ASAP1: variants seen among roughly 807,000 people sequenced by gnomAD.
ASAP1 encodes the protein arf-GAP with SH3 domain, ANK repeat and PH domain-containing protein 1.
ASAP1 carries 43 observed loss-of-function variants against 145.2 expected under a neutral mutation model. The ratio of observed to expected loss-of-function variants is 0.30; its 90% confidence interval spans 0.23 to 0.38. ASAP1 has a LOEUF of 0.38. ASAP1 is among the 10% of genes least tolerant of loss of function. The pLI is 1.00. For missense variants in ASAP1, 1,018 were observed against 1,355.3 expected (o/e 0.75, Z 3.91); for synonymous variants, 546 against 515.5 (o/e 1.06, Z -0.80).
intron 28 of ASAP1, among the ~76,000 whole-genome samples, chr8:130,058,281 C>A (rs1203337516): frequency 6.6e-6 from 1 of 152,186 alleles, no homozygotes; most frequent in African/African-American, 2.4e-5. Context: ...CCTCTCCCCC[C>A]ATCATCAGGG....
At chr8:130,341,328 T>A (rs562238652) in intron 3 of ASAP1, among the ~76,000 whole-genome samples, 2 of 152,126 alleles carry the variant, frequency 1.3e-5, no homozygotes, top group Admixed American at 1.3e-4. Flanking sequence ...GCACCCACAG[T>A]GTCTAAGCGC....
At chr8:130,280,075 T>A (rs1258751389) in intron 3 of ASAP1, among the ~76,000 whole-genome samples, 2 of 152,134 alleles carry the variant, frequency 1.3e-5, no homozygotes, top group Admixed American at 6.5e-5. Flanking sequence ...TAGGCAGAGG[T>A]AGTGTTCTTG....
intron 24 of ASAP1, among the ~76,000 whole-genome samples, chr8:130,101,071 T>C (rs2097527931): frequency 6.6e-6 from 1 of 152,218 alleles, no homozygotes; most frequent in Non-Finnish European, 1.5e-5. Context: ...TGCACCCTTA[T>C]CAAAAATCAG....
At chr8:130,411,207 T>C (rs146197760) in intron 1 of ASAP1, among the ~76,000 whole-genome samples, 382 of 152,316 alleles carry the variant, frequency 2.5e-3, no homozygotes, top group African/African-American at 8.9e-3. Flanking sequence ...ACTATGATGA[T>C]GCCCACACAC....
chr8:130,389,701 T>C (rs1296800358), intron 2 of ASAP1, among the ~76,000 whole-genome samples: 1 of 152,166 alleles, frequency 6.6e-6, no homozygotes, highest in Non-Finnish European at 1.5e-5. Flanking sequence ...TTTCTTTTTA[T>C]TTATTTATTT....
At chr8:130,197,782 C>T (rs990387986) in intron 5 of ASAP1, among the ~76,000 whole-genome samples, 6 of 152,168 alleles carry the variant, frequency 3.9e-5, no homozygotes, top group Non-Finnish European at 1.5e-5. Flanking sequence ...CTATGAGAAA[C>T]GTCCAAGTCC....
At chr8:130,172,097 G>C (rs904524177) in intron 9 of ASAP1, among the ~76,000 whole-genome samples, 2 of 152,182 alleles carry the variant, frequency 1.3e-5, no homozygotes, top group Non-Finnish European at 2.9e-5. Context: ...GTTTGCTCAT[G>C]TGTAAATGGG....
chr8:130,190,426 T>A (rs1487570050), intron 5 of ASAP1, among the ~76,000 whole-genome samples: 1 of 152,222 alleles, frequency 6.6e-6, no homozygotes, highest in Non-Finnish European at 1.5e-5. Flanking sequence ...CCCCAATGTA[T>A]GTTCTTGGTG....
chr8:130,207,781 T>C (rs929303736), intron 5 of ASAP1, among the ~76,000 whole-genome samples: 1 of 152,214 alleles, frequency 6.6e-6, no homozygotes, highest in Non-Finnish European at 1.5e-5. Context: ...ATTCCCTAGA[T>C]ATATTCAATC....
At chr8:130,289,421 T>C (rs551065635) in intron 3 of ASAP1, among the ~76,000 whole-genome samples, 25 of 152,330 alleles carry the variant, frequency 1.6e-4, no homozygotes, top group African/African-American at 5.1e-4. Context: ...GAGAATATTC[T>C]TTAAAATTTA....
chr8:130,215,978 AG>A (rs1429423028), intron 4 of ASAP1, among the ~76,000 whole-genome samples: 9 of 42,900 alleles, frequency 2.1e-4, no homozygotes, highest in East Asian at 1.5e-3. Flanking sequence ...AAAAAGAAAA[AG>A]GAAAGGAAAG....
At chr8:130,106,662 G>C (rs2097537270) in intron 24 of ASAP1, among the ~76,000 whole-genome samples, 1 of 152,214 alleles carries the variant, frequency 6.6e-6, no homozygotes, top group Non-Finnish European at 1.5e-5. Flanking sequence ...TGTTGTTTAT[G>C]CATCTGACGA....
chr8:130,060,434 T>G, intron 28 of ASAP1, 145 bp downstream of exon 28: 2 of 1,167,300 alleles, frequency 1.7e-6, no homozygotes, highest in Non-Finnish European at 2.4e-6. Context: ...CAGGCTCTAA[T>G]CCACCATCAT....
chr8:130,434,168 T>C (rs957458130), intron 1 of ASAP1, among the ~76,000 whole-genome samples: 1 of 151,958 alleles, frequency 6.6e-6, no homozygotes, highest in African/African-American at 2.4e-5. Context: ...ATACAAAAAT[T>C]AACTGTGCCT....
At chr8:130,147,681 A>G (rs4733771) in intron 13 of ASAP1, among the ~76,000 whole-genome samples, 25,161 of 152,224 alleles carry the variant, frequency 0.17, 2,728 homozygotes, top group East Asian at 0.44. Flanking sequence ...GGCACATACA[A>G]TAAGATCCTG....
intron 13 of ASAP1, among the ~76,000 whole-genome samples, chr8:130,141,172 CA>C: frequency 6.6e-6 from 1 of 152,242 alleles, no homozygotes; most frequent in South Asian, 2.1e-4. Context: ...AAAAAGAAAA[CA>C]AAACAGGAGA....
chr8:130,392,962 A>G (rs555235013), intron 2 of ASAP1, among the ~76,000 whole-genome samples: 24 of 152,336 alleles, frequency 1.6e-4, no homozygotes, highest in Admixed American at 1.6e-3. Flanking sequence ...GAGGGGTCAA[A>G]TATCCAAACC....
intron 5 of ASAP1, among the ~76,000 whole-genome samples, chr8:130,206,572 T>C (rs1055745841): frequency 1.3e-5 from 2 of 152,152 alleles, no homozygotes; most frequent in Non-Finnish European, 2.9e-5. Context: ...AAGCAATAAC[T>C]GCCCTCCAAC....
chr8:130,197,998 C>A (rs2136294332), intron 5 of ASAP1, among the ~76,000 whole-genome samples: 1 of 152,278 alleles, frequency 6.6e-6, no homozygotes, highest in South Asian at 2.1e-4. Flanking sequence ...CCTAATACAC[C>A]CCATGTCTCA....
Sources: allele counts gnomAD v4.1 joint callset (sites outside exome capture counted in the v4.1 genomes callset), GRCh38; gene constraint gnomAD v4.1.1; transcripts MANE v1.5; gene names NCBI Gene and HGNC (gene_info 2026-07-23, HGNC 2026-07-21).